Variants in OPCML observed in about 807,000 individuals in gnomAD.
The protein encoded by OPCML is opioid-binding protein/cell adhesion molecule.
A neutral mutation model predicts 37.8 loss-of-function variants in OPCML; 13 were observed. That is an observed-to-expected ratio of 0.34 (90% CI 0.22 to 0.55). The LOEUF is 0.55. OPCML is among the 20% of genes least tolerant of loss of function. OPCML has a pLI of 0.91. For missense variants in OPCML, 341 were observed against 435.6 expected (o/e 0.78, Z 1.93); for synonymous variants, 176 against 168.8 (o/e 1.04, Z -0.33).
chr11:132,558,967 C>T (rs899083317), intron 3 of OPCML, among the ~76,000 whole-genome samples: 5 of 152,030 alleles, frequency 3.3e-5, no homozygotes, highest in African/African-American at 4.8e-5. Context: ...CACCAGCAAG[C>T]GCTCAATTAA....
At chr11:132,579,405 G>C (rs539841384) in intron 3 of OPCML, among the ~76,000 whole-genome samples, 44 of 151,882 alleles carry the variant, frequency 2.9e-4, no homozygotes, top group East Asian at 2.5e-3. Context: ...GTGTGTGTGT[G>C]TGTGTGTGTG....
chr11:132,567,278 A>G (rs1386361000), intron 3 of OPCML, among the ~76,000 whole-genome samples: 1 of 152,212 alleles, frequency 6.6e-6, no homozygotes, highest in Non-Finnish European at 1.5e-5. Flanking sequence ...CACGCTCATC[A>G]TTGCAATCAG....
chr11:133,072,420 G>A (rs1250713817), intron 1 of OPCML, among the ~76,000 whole-genome samples: 5 of 152,100 alleles, frequency 3.3e-5, no homozygotes, highest in Non-Finnish European at 7.4e-5. Flanking sequence ...AGTTGTAGGA[G>A]GAGTAAAAGC....
intron 3 of OPCML, among the ~76,000 whole-genome samples, chr11:132,534,298 T>C (rs1484872793): frequency 6.6e-6 from 1 of 152,214 alleles, no homozygotes; most frequent in Non-Finnish European, 1.5e-5. Context: ...TTTTGTGCTT[T>C]TATATCCATT....
intron 1 of OPCML, among the ~76,000 whole-genome samples, chr11:133,220,514 C>T (rs1470634316): frequency 6.6e-6 from 1 of 152,142 alleles, no homozygotes; most frequent in Non-Finnish European, 1.5e-5. Flanking sequence ...AGTCAGAGGT[C>T]AGAGGAGGAG....
intron 2 of OPCML, among the ~76,000 whole-genome samples, chr11:132,886,095 A>G (rs1404408509): frequency 6.6e-6 from 1 of 152,224 alleles, no homozygotes; most frequent in Non-Finnish European, 1.5e-5. Flanking sequence ...AAGGGCTACA[A>G]AGTATTCCAT....
intron 4 of OPCML, among the ~76,000 whole-genome samples, chr11:132,466,215 G>A (rs561545355): frequency 6.6e-6 from 1 of 152,114 alleles, no homozygotes; most frequent in Admixed American, 6.5e-5. Context: ...GCCGCGCACG[G>A]TGGCTCACGC....
At chr11:133,511,449 C>G (rs1948155652) in intron 1 of OPCML, among the ~76,000 whole-genome samples, 1 of 152,200 alleles carries the variant, frequency 6.6e-6, no homozygotes, top group Admixed American at 6.5e-5. Flanking sequence ...ATCTACTACT[C>G]TCTTCCCACT....
At chr11:133,526,423 C>A (rs564214527) in intron 1 of OPCML, among the ~76,000 whole-genome samples, 1 of 151,980 alleles carries the variant, frequency 6.6e-6, no homozygotes, top group African/African-American at 2.4e-5. Context: ...GTGTGCCTTG[C>A]GTGTATATGT....
chr11:133,005,699 C>A (rs1947096845), intron 1 of OPCML: 1 of 976,714 alleles, frequency 1.0e-6, no homozygotes, highest in Admixed American at 6.2e-5. Context: ...TGCATCTAAT[C>A]CAGATTTTTC....
At chr11:133,299,282 A>G (rs969277329) in intron 1 of OPCML, 45 of 152,240 alleles carry the variant, frequency 3.0e-4, no homozygotes, top group Admixed American at 8.5e-4. Context: ...ATTCAGAAGT[A>G]ATTTGTTGCT....
chr11:133,196,140 T>C (rs558371970), intron 1 of OPCML, among the ~76,000 whole-genome samples: 1 of 152,330 alleles, frequency 6.6e-6, no homozygotes, highest in African/African-American at 2.4e-5. Context: ...AAAATAAATG[T>C]AGGAGGAACA....
chr11:133,227,029 G>C (rs374783818), intron 1 of OPCML, among the ~76,000 whole-genome samples: 2 of 152,132 alleles, frequency 1.3e-5, no homozygotes, highest in East Asian at 1.9e-4. Flanking sequence ...AATTTGCCTC[G>C]GCTGATGTGC....
intron 1 of OPCML, among the ~76,000 whole-genome samples, chr11:133,442,657 T>C (rs12282430): frequency 0.092 from 13,948 of 151,880 alleles, 1,325 homozygotes; most frequent in African/African-American, 0.23. Flanking sequence ...TGAACTGATA[T>C]GGAACAGTTG....
Position 133,179,491 on chromosome 11 carries a change from G to C in OPCML, c.62-236481C>G, listed in dbSNP as rs2163559. Among the ~76,000 whole-genome samples the C allele has an allele frequency of 5.4e-3, 815 of 152,264 alleles. 4 individuals carry two copies. Among genetic ancestry groups the C allele is most frequent in the Middle Eastern group, 0.041 (12 of 294 alleles). On this transcript the variant is annotated intron_variant, in intron 1 of 7. Coordinates refer to ENST00000524381, the MANE Select transcript of OPCML (RefSeq NM_001012393.5). ...ACAGGGGAAGGGTCTGGTTAACATAGGGAGCGGGGCCCCCTGAGGCCAGGG... is the reference window on the plus strand; with the variant it reads ...ACAGGGGAAGGGTCTGGTTAACATACGGAGCGGGGCCCCCTGAGGCCAGGG...
chr11:132,850,637 G>C (rs1481317628), intron 2 of OPCML, among the ~76,000 whole-genome samples: 1 of 152,004 alleles, frequency 6.6e-6, no homozygotes, highest in Admixed American at 6.6e-5. Flanking sequence ...CAAAGTGAGA[G>C]GTTATTTTTT....
At chr11:132,849,332 G>A (rs368887263) in intron 2 of OPCML, among the ~76,000 whole-genome samples, 1 of 152,242 alleles carries the variant, frequency 6.6e-6, no homozygotes, top group South Asian at 2.1e-4. Flanking sequence ...TTGCCTATGC[G>A]GTTTCCTCAC....
chr11:132,870,611 C>T (rs1279733839), intron 2 of OPCML, among the ~76,000 whole-genome samples: 23 of 152,122 alleles, frequency 1.5e-4, no homozygotes, highest in Admixed American at 1.4e-3. Context: ...TCATGTTCAT[C>T]GCAGCACTGT....
At chr11:133,148,170 C>G (rs1949924581) in intron 1 of OPCML, among the ~76,000 whole-genome samples, 1 of 152,220 alleles carries the variant, frequency 6.6e-6, no homozygotes, top group Admixed American at 6.5e-5. Context: ...CTCCTCCCTT[C>G]AGAAGATCCA....
Sources: gnomAD v4.1 joint callset for allele counts (sites outside exome capture counted in the v4.1 genomes callset) on GRCh38, gnomAD v4.1.1 for gene constraint, MANE v1.5 for transcripts, NCBI Gene and HGNC (gene_info 2026-07-23, HGNC 2026-07-21) for gene names.